The following FBN2 variants were observed in gnomAD, a reference collection of about 807,000 sequenced individuals.
FBN2 encodes fibrillin 2, also known as fibrillin-2.
A neutral mutation model predicts 355.6 loss-of-function variants in FBN2; 105 were observed. The ratio of observed to expected loss-of-function variants is 0.30; its 90% CI spans 0.25 to 0.35. The LOEUF (loss-of-function observed/expected upper bound fraction) is 0.35. Ranked by LOEUF, FBN2 falls within the 10% of genes least tolerant of loss-of-function variation. FBN2 has a pLI of 1.00. For missense variants in FBN2, 3,280 were observed against 3,758.7 expected, an observed-to-expected ratio of 0.87 and a Z score of 3.33; for synonymous variants, 1,350 against 1,301.2, an observed-to-expected ratio of 1.04 and a Z score of -0.81.
intron 4 of FBN2, among the ~76,000 whole-genome samples, chr5:128,527,225 A>G (rs1253549526): frequency 1.3e-5 from 2 of 152,178 alleles, no homozygotes; most frequent in Admixed American, 1.3e-4. Context: ...TTCCACAGTG[A>G]TGTGTCACAA....
At chr5:128,337,427 C>G (rs1194620142) in intron 27 of FBN2, among the ~76,000 whole-genome samples, 1 of 152,184 alleles carries the variant, frequency 6.6e-6, no homozygotes, top group Non-Finnish European at 1.5e-5. Context: ...ATACTAGGAA[C>G]ATAGTAAGTC....
At position 128,350,862 on chromosome 5, in the gene FBN2, T is replaced by C; in HGVS notation, c.2812+6A>G. 1.2e-6 allele frequency: 2 copies of C among 1,614,050 alleles called. No individual in the cohort carries two copies. Among genetic ancestry groups the C allele is most frequent in the Non-Finnish European group, 1.7e-6 (2 of 1,179,998 alleles). On this transcript the variant is annotated splice_donor_region_variant and intron_variant, in intron 21 of 64. Transcript: ENST00000262464. ...GAAGCCCAGAAGCTCCCAATAAGGC[T>C]CCTACCTAGTTCACACCGCTCACAG...
At chr5:128,282,691 G>A (rs1749004284) in intron 55 of FBN2, among the ~76,000 whole-genome samples, 1 of 152,134 alleles carries the variant, frequency 6.6e-6, no homozygotes, top group Non-Finnish European at 1.5e-5. Flanking sequence ...TTAATAGGGT[G>A]TATCTTGGAG....
intron 5 of FBN2, among the ~76,000 whole-genome samples, chr5:128,480,578 C>T (rs1382203154): frequency 2.0e-5 from 3 of 151,964 alleles, no homozygotes; most frequent in East Asian, 1.9e-4. Flanking sequence ...GGCATGAGGG[C>T]GGGTGTGTGT....
chr5:128,287,369 C>A lies in FBN2; in HGVS notation c.6819G>T (p.Gly2273=). 1.9e-6 allele frequency: 3 copies of A among 1,613,984 alleles called. No homozygotes were observed. Among genetic ancestry groups the A allele is most frequent in the Non-Finnish European group, 2.5e-6 (3 of 1,179,920 alleles). The part of the protein sequence containing the change: ...LCAFRCMNTF[G]SYECTCPIGY... ...CAATCGGGCACGTGCATTCATAGGACCCAAAAGTGTTCATGCAGCGGAAAG... is the reference window on the plus strand; with the variant it reads ...CAATCGGGCACGTGCATTCATAGGAACCAAAAGTGTTCATGCAGCGGAAAG... The change falls in exon 54 of 65, where the codon GGG becomes GGT. Residue 2273 remains glycine, a synonymous_variant. Coordinates refer to ENST00000262464, the MANE Select transcript of FBN2 (RefSeq NM_001999.4).
In FBN2 at chr5:128,378,890, T is replaced by C; in HGVS notation, c.1604A>G (p.Asp535Gly). The C allele has an allele frequency of 6.2e-7, 1 of 1,613,004 alleles. No homozygotes were observed. Among genetic ancestry groups the C allele is most frequent in the Non-Finnish European group, 8.5e-7 (1 of 1,179,184 alleles). The change falls in exon 12 of 65, where the codon GAT becomes GGT. Residue 535 changes from aspartate (D) to glycine (G), a missense_variant and splice_region_variant. This residue lies in a region of FBN2 where 2,284 missense variants were observed against 2,749.5 expected (regional missense o/e 0.83). Coordinates refer to ENST00000262464, the MANE Select transcript of FBN2 (RefSeq NM_001999.4). ...GGGATTTGATGTGCATTCATCAACA[T>C]CTGTGAGCAGCAAAAGAAACCATTA... ...YKQDANGDCI[D>G]VDECTSNPCT...
chr5:128,351,113 T>A, intron 20 of FBN2, 108 bp from the exon 21 acceptor site: 4 of 1,329,464 alleles, frequency 3.0e-6, no homozygotes, highest in Non-Finnish European at 4.3e-6. Context: ...GAAAGATTAC[T>A]GGCTCACGCC....
At chr5:128,332,847 C>A (rs538787175) in intron 32 of FBN2, 65 bp downstream of exon 32, 20 of 1,471,348 alleles carry the variant, frequency 1.4e-5, no homozygotes, top group Admixed American at 1.7e-5. Flanking sequence ...GATTCTACAA[C>A]CATGCAAAAA....
chr5:128,309,154 T>C (rs1402800293), intron 41 of FBN2, 93 bp downstream of exon 41: 1 of 1,365,396 alleles, frequency 7.3e-7, no homozygotes, highest in Admixed American at 1.8e-5. Context: ...TGAGCATCTC[T>C]AGTTTTAGCA....
chr5:128,455,990 C>CAAAAAAAAAACAAAAAAAA (rs1754376289), intron 6 of FBN2, among the ~76,000 whole-genome samples: 1 of 25,272 alleles, frequency 4.0e-5, no homozygotes, highest in Admixed American at 7.7e-4. Context: ...GGGTTAGCAA[C>CAAAAAAAAAACAAAAAAAA]AAAAAAAAAA....
At chr5:128,485,991 G>A (rs1207408758) in intron 5 of FBN2, among the ~76,000 whole-genome samples, 1 of 152,086 alleles carries the variant, frequency 6.6e-6, no homozygotes, top group Non-Finnish European at 1.5e-5. Flanking sequence ...TATTTTCCAG[G>A]ACTAAATCAA....
At chr5:128,335,367 A>G in intron 29 of FBN2, 72 bp from the exon 30 acceptor site, 1 of 1,612,538 alleles carries the variant, frequency 6.2e-7, no homozygotes, top group South Asian at 1.1e-5. Context: ...TTTGTTTTCT[A>G]TCTGGTTCCA....
intron 10 of FBN2, 35 bp from the exon 11 acceptor site, chr5:128,392,190 T>C (rs745478627): frequency 6.3e-7 from 1 of 1,585,494 alleles, no homozygotes; most frequent in South Asian, 1.1e-5. Flanking sequence ...TATTTAATCA[T>C]TACAACATGC....
At chr5:128,388,338 T>C (rs1752421258) in intron 11 of FBN2, among the ~76,000 whole-genome samples, 1 of 152,228 alleles carries the variant, frequency 6.6e-6, no homozygotes, top group Admixed American at 6.5e-5. Context: ...AGCCCGTTCA[T>C]TTTCAAGGAT....
intron 7 of FBN2, chr5:128,442,215 C>A: frequency 2.4e-6 from 1 of 422,922 alleles, no homozygotes; most frequent in Non-Finnish European, 4.7e-6. Flanking sequence ...CATAAAGAGC[C>A]ATTTAAGGGA....
chr5:128,330,629 C>T lies in FBN2; in HGVS notation c.4289G>A (p.Gly1430Asp), dbSNP rs1198328195. 6.2e-7 allele frequency: 1 copy of T among 1,613,870 alleles called. No homozygotes were observed. The highest frequency in any genetic ancestry group is 8.5e-7 in the Non-Finnish European group (1 of 1,179,938). The change falls in exon 33 of 65, where the codon GGC becomes GAC. Residue 1430 changes from glycine (G) to aspartate (D), a missense_variant. Coordinates refer to ENST00000262464, the MANE Select transcript of FBN2 (RefSeq NM_001999.4). ...TTCGGAGCAGGCACAGCGGTATGAG[C>T]CCGGGGTATTTACACACTGAGCATT... ...SINAQCVNTP[G>D]SYRCACSEGF...
At chr5:128,488,749 T>G (rs2127121891) in intron 5 of FBN2, among the ~76,000 whole-genome samples, 1 of 148,522 alleles carries the variant, frequency 6.7e-6, no homozygotes, top group Non-Finnish European at 1.5e-5. Context: ...GAACATGTGG[T>G]GTTTGATTTT....
intron 6 of FBN2, among the ~76,000 whole-genome samples, chr5:128,451,475 C>T (rs1754244122): frequency 6.6e-6 from 1 of 152,240 alleles, no homozygotes; most frequent in South Asian, 2.1e-4. Flanking sequence ...TCTCGGCTCC[C>T]TGCAACCTCC....
At chr5:128,291,847 G>A (rs1749332035) in intron 48 of FBN2, among the ~76,000 whole-genome samples, 193 bp from the exon 49 acceptor site, 1 of 152,098 alleles carries the variant, frequency 6.6e-6, no homozygotes, top group South Asian at 2.1e-4. Flanking sequence ...ATGTGCCAGA[G>A]AGTCCCAAGT....
Sources: gnomAD v4.1 joint callset for allele counts (sites outside exome capture counted in the v4.1 genomes callset) on GRCh38, gnomAD v4.1.1 for gene constraint, gnomAD v4.1.1 regional missense constraint, MANE v1.5 for transcripts, NCBI Gene and HGNC (gene_info 2026-07-23, HGNC 2026-07-21) for gene names.